Variants in SPMIP2 observed in about 807,000 individuals in gnomAD.
SPMIP2 encodes protein SPMIP2.
chr4:159,082,825 A>G, the SPMIP2 span, among the ~76,000 whole-genome samples: 151,215 of 152,330 alleles, frequency 0.99, 75,065 homozygotes, highest in East Asian at 1. Flanking sequence ...GCTCATGTCT[A>G]TAATCCCAGC....
the SPMIP2 span, among the ~76,000 whole-genome samples, chr4:159,076,208 C>T: frequency 6.6e-6 from 1 of 152,184 alleles, no homozygotes. Context: ...TAAAACTTAT[C>T]CTCAAACCTT....
At chr4:159,018,388 T>C in the SPMIP2 span, among the ~76,000 whole-genome samples, 2 of 152,218 alleles carry the variant, frequency 1.3e-5, no homozygotes, top group Non-Finnish European at 2.9e-5. Flanking sequence ...CTAGGACATG[T>C]AGTCCAATGG....
At chr4:159,060,801 T>C in the SPMIP2 span, among the ~76,000 whole-genome samples, 1 of 152,136 alleles carries the variant, frequency 6.6e-6, no homozygotes, top group Non-Finnish European at 1.5e-5. Context: ...ATATATAGCA[T>C]AGGCTGGGTG....
the SPMIP2 span, among the ~76,000 whole-genome samples, chr4:159,041,915 G>C: frequency 6.6e-6 from 1 of 152,196 alleles, no homozygotes; most frequent in Non-Finnish European, 1.5e-5. Flanking sequence ...TAGTGTCAAA[G>C]TTTTGCCTTA....
the SPMIP2 span, among the ~76,000 whole-genome samples, chr4:159,077,128 G>C: frequency 2.7e-5 from 4 of 149,686 alleles, no homozygotes; most frequent in Non-Finnish European, 5.9e-5. Flanking sequence ...GAGCCACTGC[G>C]CCTGGCCTAA....
At chr4:159,035,252 G>T in the SPMIP2 span, 1 of 613,676 alleles carries the variant, frequency 1.6e-6, no homozygotes, top group Admixed American at 2.9e-5. Context: ...CAGGGAGATA[G>T]AATGTTCCTC....
chr4:158,923,003 C>A, the SPMIP2 span, among the ~76,000 whole-genome samples: 2 of 152,152 alleles, frequency 1.3e-5, no homozygotes, highest in Non-Finnish European at 2.9e-5. Flanking sequence ...CATCCCAGCA[C>A]CATTGTCAAA....
the SPMIP2 span, among the ~76,000 whole-genome samples, chr4:159,050,516 AAGAT>A: frequency 3.3e-5 from 5 of 152,148 alleles, no homozygotes; most frequent in African/African-American, 1.2e-4. Context: ...TTAAAATGTT[AAGAT>A]AGCCAGGCAT....
chr4:158,925,769 T>C, the SPMIP2 span, among the ~76,000 whole-genome samples: 2 of 152,208 alleles, frequency 1.3e-5, no homozygotes, highest in Non-Finnish European at 2.9e-5. Flanking sequence ...GCCCAGGGGA[T>C]GGGGACACCT....
chr4:159,067,103 G>A, the SPMIP2 span, among the ~76,000 whole-genome samples: 1 of 152,172 alleles, frequency 6.6e-6, no homozygotes, highest in African/African-American at 2.4e-5. Context: ...GCAGACATGG[G>A]AGGAATGGGT....
the SPMIP2 span, among the ~76,000 whole-genome samples, chr4:158,961,003 A>G: frequency 3.9e-5 from 6 of 152,120 alleles, no homozygotes; most frequent in South Asian, 1.2e-3. Flanking sequence ...CTTGTAAATA[A>G]GCATGGGGAA....
chr4:158,958,046 T>A, the SPMIP2 span, among the ~76,000 whole-genome samples: 1 of 152,118 alleles, frequency 6.6e-6, no homozygotes, highest in African/African-American at 2.4e-5. Context: ...GGCTGGAGTG[T>A]ACTGGCATGA....
the SPMIP2 span, among the ~76,000 whole-genome samples, chr4:158,957,720 C>T: frequency 2.6e-5 from 4 of 152,266 alleles, no homozygotes; most frequent in South Asian, 4.1e-4. Context: ...CCACTGTGCC[C>T]GTCCTCACCT....
the SPMIP2 span, among the ~76,000 whole-genome samples, chr4:159,036,979 G>C: frequency 6.6e-6 from 1 of 152,200 alleles, no homozygotes; most frequent in Admixed American, 6.5e-5. Flanking sequence ...TCCTAGAAGA[G>C]AGAAGCCTGC....
the SPMIP2 span, among the ~76,000 whole-genome samples, chr4:159,047,795 A>G: frequency 6.6e-6 from 1 of 152,248 alleles, no homozygotes; most frequent in East Asian, 1.9e-4. Context: ...ACACAGCACA[A>G]TGGAAGAAAG....
At chr4:159,046,048 G>A in the SPMIP2 span, among the ~76,000 whole-genome samples, 4 of 152,124 alleles carry the variant, frequency 2.6e-5, no homozygotes, top group East Asian at 1.9e-4. Flanking sequence ...TCAGAAGTTC[G>A]AGACCAGCCT....
At chr4:159,045,740 T>TG in the SPMIP2 span, among the ~76,000 whole-genome samples, 1 of 152,200 alleles carries the variant, frequency 6.6e-6, no homozygotes, top group Admixed American at 6.5e-5. Flanking sequence ...TCACAGTTTT[T>TG]GTGGGTCAGG....
the SPMIP2 span, among the ~76,000 whole-genome samples, chr4:158,928,503 G>T: frequency 6.6e-6 from 1 of 152,098 alleles, no homozygotes; most frequent in Non-Finnish European, 1.5e-5. Flanking sequence ...AGCTAATCTG[G>T]TGGGGAGGTG....
the SPMIP2 span, among the ~76,000 whole-genome samples, chr4:158,956,334 G>A: frequency 3.3e-5 from 5 of 152,234 alleles, no homozygotes; most frequent in African/African-American, 9.6e-5. Flanking sequence ...GGGAGGCCGC[G>A]TGGGTGGATC....
Sources: allele counts gnomAD v4.1 joint callset (sites outside exome capture counted in the v4.1 genomes callset), GRCh38; gene constraint gnomAD v4.1.1; transcripts MANE v1.5; gene names NCBI Gene and HGNC (gene_info 2026-07-23, HGNC 2026-07-21).